NXN: variants seen among roughly 807,000 people sequenced by gnomAD.
The protein encoded by NXN is nucleoredoxin.
In NXN, 16 loss-of-function variants were observed where a neutral mutation model predicts 48.6. The observed-to-expected ratio is 0.33, with a 90% CI of 0.22 to 0.50. The LOEUF (loss-of-function observed/expected upper bound fraction) is 0.50. Ranked by LOEUF, NXN falls within the 20% of genes least tolerant of loss-of-function variation. NXN has a pLI of 0.98. For missense variants in NXN, 492 were observed against 605.5 expected, an observed-to-expected ratio of 0.81 and a Z score of 1.97; for synonymous variants, 281 against 269.6, an observed-to-expected ratio of 1.04 and a Z score of -0.41.
At chr17:916,188 C>A (rs775526939) in intron 1 of NXN, among the ~76,000 whole-genome samples, 1 of 152,082 alleles carries the variant, frequency 6.6e-6, no homozygotes, top group Non-Finnish European at 1.5e-5. Flanking sequence ...CCTGGCACGT[C>A]GGCAACAGAA....
At chr17:936,760 G>T (rs1364933949) in intron 1 of NXN, among the ~76,000 whole-genome samples, 1 of 147,438 alleles carries the variant, frequency 6.8e-6, no homozygotes, top group African/African-American at 2.5e-5. Flanking sequence ...ACTTGCAAAC[G>T]CATACGAGAT....
intron 1 of NXN, among the ~76,000 whole-genome samples, chr17:880,567 C>T (rs1380763524): frequency 1.3e-5 from 2 of 152,046 alleles, no homozygotes; most frequent in African/African-American, 4.8e-5. Flanking sequence ...CTCAGCCAGG[C>T]CAGGGAGAAA....
Position 867,407 on chromosome 17 carries a change from C to G in NXN, c.361-41329G>C, listed in dbSNP as rs115104669. Among the ~76,000 whole-genome samples the G allele has an allele frequency of 9.3e-3, 1,422 of 152,188 alleles. 32 individuals carry two copies. Among genetic ancestry groups the G allele is most frequent in the African/African-American group, 0.033 (1,363 of 41,518 alleles). ...ATGGTCAGCAAGTTCTCGGGGTTCT[C>G]CAGGGAATTCTTGCCAGTCCCTTAA... On this transcript the variant is annotated intron_variant, in intron 1 of 7. Coordinates refer to ENST00000336868, the MANE Select transcript of NXN (RefSeq NM_022463.5).
Position 800,691 on chromosome 17 carries a change from G to A in NXN, c.*258C>T, listed in dbSNP as rs1911154373. ...AAGCTAGTGACTTTGCGAAAGCCAT[G>A]CAGCCCCGCTCTGGCCGGGCCCCCG... On this transcript the variant is annotated 3_prime_UTR_variant, in exon 8 of 8. Transcript: ENST00000336868. 3 of 318,808 alleles carry A rather than the reference G, an allele frequency of 9.4e-6. No homozygotes were observed. The highest frequency in any genetic ancestry group is 5.0e-5 in the Admixed American group (1 of 20,066). 19.7% of individuals were successfully genotyped at this position (318,808 alleles called of 1,614,324 possible). A position where few individuals can be genotyped will look rare whatever the true frequency, so the allele number is the denominator to read the frequency against.
chr17:862,123 G>A (rs1356216153), intron 1 of NXN, among the ~76,000 whole-genome samples: 2 of 152,096 alleles, frequency 1.3e-5, no homozygotes, highest in African/African-American at 2.4e-5. Context: ...GAGCCACCGT[G>A]TTCAGCCAAT....
chr17:921,399 C>G (rs2068749111), intron 1 of NXN, among the ~76,000 whole-genome samples: 1 of 152,110 alleles, frequency 6.6e-6, no homozygotes, highest in South Asian at 2.1e-4. Flanking sequence ...TCATCTTGTT[C>G]CGGTCCACGG....
At chr17:869,185 C>G (rs575763225) in intron 1 of NXN, among the ~76,000 whole-genome samples, 2 of 152,308 alleles carry the variant, frequency 1.3e-5, no homozygotes, top group Admixed American at 6.5e-5. Context: ...TGTTTGTTAA[C>G]TTCCCAGCAC....
intron 1 of NXN, among the ~76,000 whole-genome samples, chr17:957,509 G>A (rs1019061207): frequency 1.4e-4 from 22 of 152,108 alleles, no homozygotes; most frequent in African/African-American, 5.1e-4. Flanking sequence ...GTGCACGCCT[G>A]TAGTCCCAGC....
rs561145194 is a variant in NXN, at chr17:925,683, C to T, written c.360+53636G>A. ...GGATGACAGGCGTGAGCCACTGTGC[C>T]CAGCTCCTGATCTGTGGTGGTTGTT... On this transcript the variant is annotated intron_variant, in intron 1 of 7. Coordinates refer to ENST00000336868, the MANE Select transcript of NXN (RefSeq NM_022463.5). Among the ~76,000 whole-genome samples, 5 of 152,324 alleles carry T rather than the reference C, an allele frequency of 3.3e-5. No individual in the cohort carries two copies. The South Asian group carries it at 1.0e-3, about 32-fold the overall frequency.
chr17:878,486 G>A, intron 1 of NXN, among the ~76,000 whole-genome samples: 1 of 123,064 alleles, frequency 8.1e-6, no homozygotes, highest in South Asian at 3.3e-4. Context: ...GGGTGTGGGG[G>A]CAGGGGAGGG....
At chr17:864,163 T>A in intron 1 of NXN, 1 of 1,089,406 alleles carries the variant, frequency 9.2e-7, no homozygotes, top group Non-Finnish European at 1.3e-6. Context: ...TCGGTTCCGG[T>A]GAAGGGACGC....
At chr17:942,683 C>T (rs1356162596) in intron 1 of NXN, among the ~76,000 whole-genome samples, 2 of 121,094 alleles carry the variant, frequency 1.7e-5, no homozygotes, top group Non-Finnish European at 3.3e-5. Context: ...GAACAAGATT[C>T]CAGGGCGCAG....
chr17:808,711 G>A (rs1293786511), intron 5 of NXN, among the ~76,000 whole-genome samples: 3 of 128,244 alleles, frequency 2.3e-5, no homozygotes, highest in African/African-American at 8.8e-5. Flanking sequence ...GTCTCACTCT[G>A]TTGCCCAGGC....
intron 1 of NXN, chr17:909,599 T>C (rs2068615619): frequency 1.4e-5 from 2 of 143,426 alleles, no homozygotes; most frequent in African/African-American, 5.2e-5. Context: ...AGTGCAGGGG[T>C]GCGATCTCCG....
At chr17:803,593 C>T in intron 7 of NXN, 89 bp downstream of exon 7, 1 of 1,545,788 alleles carries the variant, frequency 6.5e-7, no homozygotes, top group Non-Finnish European at 8.9e-7. Context: ...ACCCTGGGGT[C>T]CTTTCAGGCA....
chr17:899,655 G>A (rs541883408), intron 1 of NXN, among the ~76,000 whole-genome samples: 2 of 152,220 alleles, frequency 1.3e-5, no homozygotes, highest in South Asian at 2.1e-4. Flanking sequence ...TCTCTGTTAC[G>A]GAGATTTAGG....
chr17:827,890 C>T (rs576993093), intron 1 of NXN, among the ~76,000 whole-genome samples: 8 of 152,246 alleles, frequency 5.3e-5, no homozygotes, highest in South Asian at 4.1e-4. Context: ...CCATCCGAAG[C>T]GGTGAGGGGC....
intron 1 of NXN, among the ~76,000 whole-genome samples, chr17:950,050 A>G (rs193040293): frequency 6.6e-6 from 1 of 152,182 alleles, no homozygotes; most frequent in Non-Finnish European, 1.5e-5. Context: ...TTAAAAAGGA[A>G]AAAAAGATTG....
At chr17:865,265 CAG>C (rs1477062535) in intron 1 of NXN, among the ~76,000 whole-genome samples, 3 of 149,902 alleles carry the variant, frequency 2.0e-5, no homozygotes, top group South Asian at 2.1e-4. Context: ...TTTTTTGAGA[CAG>C]AGTCTCCCTC....
Sources: allele counts gnomAD v4.1 joint callset (sites outside exome capture counted in the v4.1 genomes callset), GRCh38; gene constraint gnomAD v4.1.1; transcripts MANE v1.5; gene names NCBI Gene and HGNC (gene_info 2026-07-23, HGNC 2026-07-21).